PLCB1: variants seen among roughly 807,000 people sequenced by gnomAD.
PLCB1 encodes the protein 1-phosphatidylinositol 4,5-bisphosphate phosphodiesterase beta-1.
PLCB1 carries 46 observed loss-of-function variants against 161.8 expected under a neutral mutation model. That is an observed-to-expected ratio of 0.28 (90% confidence interval 0.22 to 0.36). The LOEUF is 0.36. Ranked by LOEUF, PLCB1 falls within the 10% of genes least tolerant of loss-of-function variation. The pLI is 1.00. For synonymous variants in PLCB1, 517 were observed against 503.7 expected (o/e 1.03, Z -0.35); for missense variants, 1,016 against 1,472.5 (o/e 0.69, Z 5.07).
chr20:8,857,306 C>G (rs980624330), intron 31 of PLCB1, among the ~76,000 whole-genome samples: 3 of 152,190 alleles, frequency 2.0e-5, no homozygotes, highest in African/African-American at 7.2e-5. Flanking sequence ...ATCTACCACA[C>G]TTCTCTTATG....
At chr20:8,729,201 C>A in intron 18 of PLCB1, 27 bp downstream of exon 18, 1 of 1,559,950 alleles carries the variant, frequency 6.4e-7, no homozygotes, top group Non-Finnish European at 8.7e-7. Flanking sequence ...TCCCATTCTG[C>A]TATGAACTCA....
intron 31 of PLCB1, among the ~76,000 whole-genome samples, chr20:8,824,082 G>A (rs1042327524): frequency 6.6e-5 from 10 of 151,904 alleles, no homozygotes; most frequent in Admixed American, 1.3e-4. Flanking sequence ...CATTCAGACT[G>A]TCCATGCTAC....
chr20:8,703,370 T>C (rs1978478228), intron 11 of PLCB1, among the ~76,000 whole-genome samples: 1 of 152,210 alleles, frequency 6.6e-6, no homozygotes, highest in Non-Finnish European at 1.5e-5. Context: ...ATATAATGGT[T>C]GTGTGTTACA....
At chr20:8,617,949 G>T (rs140977817) in intron 3 of PLCB1, among the ~76,000 whole-genome samples, 1 of 152,114 alleles carries the variant, frequency 6.6e-6, no homozygotes, top group African/African-American at 2.4e-5. Flanking sequence ...ATTAATTATA[G>T]GAGTCAAGAA....
chr20:8,719,911 C>T (rs1203909505), intron 14 of PLCB1, among the ~76,000 whole-genome samples: 6 of 152,124 alleles, frequency 3.9e-5, no homozygotes, highest in Non-Finnish European at 5.9e-5. Flanking sequence ...TTTTCTGTCT[C>T]AATTGCCTGT....
In PLCB1 at chr20:8,166,610, G is replaced by T. The variant is rs2051678044; in HGVS notation, c.177+16239G>T. Among the ~76,000 whole-genome samples the T allele has an allele frequency of 4.6e-5, 7 of 152,220 alleles. No homozygotes were observed. The South Asian group carries it at 1.5e-3, about 32-fold the overall frequency. On this transcript the variant is annotated intron_variant, in intron 2 of 31. Transcript: ENST00000338037. ...GATACCGGAAAGCAAACATTTCCAA[G>T]ATTGGTATCATGTTCTTCCTCCCTT...
chr20:8,161,065 G>A (rs2051617125), intron 2 of PLCB1, among the ~76,000 whole-genome samples: 1 of 151,784 alleles, frequency 6.6e-6, no homozygotes, highest in Non-Finnish European at 1.5e-5. Flanking sequence ...GTTATCCTTA[G>A]CATCACCAAC....
At chr20:8,443,794 T>C (rs1980676712) in intron 3 of PLCB1, among the ~76,000 whole-genome samples, 3 of 152,194 alleles carry the variant, frequency 2.0e-5, no homozygotes, top group Admixed American at 1.3e-4. Flanking sequence ...CAACCTCTCT[T>C]TCATGGTTCC....
At chr20:8,818,432 T>C (rs1985177412) in intron 31 of PLCB1, among the ~76,000 whole-genome samples, 1 of 152,148 alleles carries the variant, frequency 6.6e-6, no homozygotes. Flanking sequence ...TATTATCCCT[T>C]TCTGTTCAAT....
At chr20:8,784,133 G>C (rs188000676) in intron 27 of PLCB1, among the ~76,000 whole-genome samples, 1 of 152,130 alleles carries the variant, frequency 6.6e-6, no homozygotes, top group South Asian at 2.1e-4. Flanking sequence ...TGAGTTGGGC[G>C]GTAGTGGCAT....
chr20:8,244,337 T>A (rs529819131), intron 2 of PLCB1, among the ~76,000 whole-genome samples: 2 of 151,960 alleles, frequency 1.3e-5, no homozygotes, highest in South Asian at 4.1e-4. Context: ...CAATAAATTA[T>A]TTATCAACAA....
At chr20:8,168,476 A>G (rs994636723) in intron 2 of PLCB1, among the ~76,000 whole-genome samples, 2 of 152,126 alleles carry the variant, frequency 1.3e-5, no homozygotes, top group Admixed American at 6.6e-5. Flanking sequence ...ACCATACCCT[A>G]GACTTGGAGG....
rs527290765 is a variant in PLCB1 at position 8,868,506 on chromosome 20, A to G, written c.3424-13116A>G. Reference sequence around the variant, plus strand: ...AAAACACATTGGAATGTTTTGTTATATTCCCCTCAACACACAAGAATATCA... The same window carrying G: ...AAAACACATTGGAATGTTTTGTTATGTTCCCCTCAACACACAAGAATATCA... On this transcript the variant is annotated intron_variant, in intron 31 of 31. Coordinates refer to ENST00000338037, the MANE Select transcript of PLCB1 (RefSeq NM_015192.4). 2.0e-5 allele frequency among the ~76,000 whole-genome samples: 3 copies of G among 152,348 alleles called. No individual in the cohort carries two copies. The East Asian group carries it at 5.8e-4, about 29-fold the overall frequency.
At chr20:8,266,022 A>G (rs1981936820) in intron 2 of PLCB1, among the ~76,000 whole-genome samples, 1 of 152,150 alleles carries the variant, frequency 6.6e-6, no homozygotes, top group Non-Finnish European at 1.5e-5. Context: ...ATTTAGTCAA[A>G]TGCTAAGTTA....
chr20:8,383,588 G>C (rs1987330786), intron 3 of PLCB1, among the ~76,000 whole-genome samples: 1 of 152,212 alleles, frequency 6.6e-6, no homozygotes, highest in Middle Eastern at 3.4e-3. Flanking sequence ...ATGCTATCTG[G>C]TTATTTTGCA....
chr20:8,156,745 A>C (rs2051567508), intron 2 of PLCB1, among the ~76,000 whole-genome samples: 1 of 152,196 alleles, frequency 6.6e-6, no homozygotes, highest in African/African-American at 2.4e-5. Context: ...CCTTGGTTTC[A>C]TTATCTATAA....
At chr20:8,480,552 G>A (rs1055971631) in intron 3 of PLCB1, among the ~76,000 whole-genome samples, 1 of 152,156 alleles carries the variant, frequency 6.6e-6, no homozygotes, top group Non-Finnish European at 1.5e-5. Context: ...GGTGTGTTCT[G>A]TGTCACCAAT....
intron 9 of PLCB1, among the ~76,000 whole-genome samples, chr20:8,681,888 A>G (rs1990229577): frequency 6.6e-6 from 1 of 152,176 alleles, no homozygotes; most frequent in Non-Finnish European, 1.5e-5. Context: ...TTGAATCCCA[A>G]TAATCATCCA....
intron 3 of PLCB1, among the ~76,000 whole-genome samples, chr20:8,443,660 C>T (rs1320891726): frequency 6.6e-6 from 1 of 152,266 alleles, no homozygotes; most frequent in Non-Finnish European, 1.5e-5. Context: ...GGTGCTGTCA[C>T]GCTATTGGAG....
Sources: gnomAD v4.1 joint callset for allele counts (sites outside exome capture counted in the v4.1 genomes callset) on GRCh38, gnomAD v4.1.1 for gene constraint, MANE v1.5 for transcripts, NCBI Gene and HGNC (gene_info 2026-07-23, HGNC 2026-07-21) for gene names.